The following ATP8A2 variants were observed in gnomAD, a reference collection of about 807,000 sequenced individuals.
ATP8A2 encodes the protein phospholipid-transporting ATPase IB.
A neutral mutation model predicts 165.6 loss-of-function variants in ATP8A2; 100 were observed. The observed-to-expected ratio is 0.60, with a 90% CI of 0.51 to 0.71. The LOEUF is 0.71. Ranked by LOEUF, ATP8A2 falls within the 30% of genes least tolerant of loss-of-function variation. The probability of loss-of-function intolerance (pLI) is 0.00; values close to 1 mark genes in which losing one functional copy is unlikely to be tolerated. For synonymous variants in ATP8A2, 543 were observed against 548.8 expected (o/e 0.99, Z 0.15); for missense variants, 1,227 against 1,479.5 (o/e 0.83, Z 2.80).
intron 25 of ATP8A2, among the ~76,000 whole-genome samples, chr13:25,738,253 G>C (rs1212532434): frequency 2.0e-5 from 3 of 151,974 alleles, no homozygotes; most frequent in African/African-American, 7.3e-5. Context: ...ATAAACTGAT[G>C]GCAAATTCTG....
chr13:25,663,084 C>T (rs1477358218), intron 24 of ATP8A2, among the ~76,000 whole-genome samples: 1 of 152,204 alleles, frequency 6.6e-6, no homozygotes, highest in East Asian at 1.9e-4. Flanking sequence ...TGTAGAGGCT[C>T]TGCTTGGCAG....
intron 23 of ATP8A2, among the ~76,000 whole-genome samples, chr13:25,588,225 C>A (rs1292263752): frequency 6.6e-6 from 1 of 152,094 alleles, no homozygotes; most frequent in Non-Finnish European, 1.5e-5. Context: ...TTCTACATGG[C>A]GGTCCTTAGG....
chr13:25,782,118 A>T (rs1327070172), intron 27 of ATP8A2, among the ~76,000 whole-genome samples: 1 of 152,230 alleles, frequency 6.6e-6, no homozygotes, highest in African/African-American at 2.4e-5. Flanking sequence ...CTATACCTCA[A>T]AACAATGTGT....
At chr13:25,821,774 G>A (rs760606906) in intron 27 of ATP8A2, among the ~76,000 whole-genome samples, 10 of 152,174 alleles carry the variant, frequency 6.6e-5, no homozygotes, top group Admixed American at 1.3e-4. Context: ...TTTAGCAGCA[G>A]CATCTTTGGC....
chr13:25,950,564 A>G (rs1293545554), intron 33 of ATP8A2: 4 of 152,268 alleles, frequency 2.6e-5, no homozygotes, highest in Non-Finnish European at 5.9e-5. Context: ...TTATTTAACA[A>G]TGAACAAGAG....
At chr13:25,730,341 G>A (rs1042581597) in intron 25 of ATP8A2, among the ~76,000 whole-genome samples, 5 of 152,154 alleles carry the variant, frequency 3.3e-5, no homozygotes, top group Admixed American at 6.5e-5. Flanking sequence ...CTTTAAGACA[G>A]GTATGTCTTC....
intron 25 of ATP8A2, among the ~76,000 whole-genome samples, chr13:25,711,495 A>G (rs1434062975): frequency 1.3e-5 from 2 of 152,112 alleles, no homozygotes; most frequent in African/African-American, 4.8e-5. Flanking sequence ...AGGTTGTGTG[A>G]GGCCAGGAAT....
At chr13:25,720,618 G>A (rs2138031076) in intron 25 of ATP8A2, among the ~76,000 whole-genome samples, 1 of 152,278 alleles carries the variant, frequency 6.6e-6, no homozygotes, top group Non-Finnish European at 1.5e-5. Context: ...CCCTTACACA[G>A]GAAGGCAACT....
intron 2 of ATP8A2, among the ~76,000 whole-genome samples, chr13:25,499,147 G>T (rs937562485): frequency 2.6e-5 from 4 of 152,270 alleles, no homozygotes; most frequent in African/African-American, 9.6e-5. Flanking sequence ...TTACCTGTTA[G>T]TACTCCCTCA....
At chr13:25,936,756 A>G (rs971091843) in intron 33 of ATP8A2, among the ~76,000 whole-genome samples, 1 of 152,144 alleles carries the variant, frequency 6.6e-6, no homozygotes, top group Non-Finnish European at 1.5e-5. Context: ...CCAATATGAC[A>G]CAGGACTCTT....
chr13:25,865,571 G>A (rs979112998), intron 33 of ATP8A2, among the ~76,000 whole-genome samples: 12 of 152,210 alleles, frequency 7.9e-5, no homozygotes, highest in South Asian at 6.2e-4. Flanking sequence ...TTTTTCTCAC[G>A]GAGAAGAATA....
At chr13:25,746,994 G>C (rs924368384) in intron 25 of ATP8A2, among the ~76,000 whole-genome samples, 1 of 152,152 alleles carries the variant, frequency 6.6e-6, no homozygotes, top group African/African-American at 2.4e-5. Flanking sequence ...GCCTATGGTC[G>C]TTCTGTCCTG....
chr13:25,465,779 T>TTCTCTCTC (rs1199712327), intron 1 of ATP8A2, among the ~76,000 whole-genome samples: 1 of 106,694 alleles, frequency 9.4e-6, no homozygotes, highest in African/African-American at 3.4e-5. Context: ...CTTTCTCTCT[T>TTCTCTCTC]TCTCTCTTTC....
intron 2 of ATP8A2, among the ~76,000 whole-genome samples, chr13:25,478,908 C>T (rs1041349712): frequency 2.6e-5 from 4 of 151,590 alleles, no homozygotes; most frequent in African/African-American, 4.9e-5. Context: ...AGGGCAGTGG[C>T]GTGATCTTGG....
chr13:25,797,301 T>C (rs1236166808), intron 27 of ATP8A2, among the ~76,000 whole-genome samples: 1 of 151,582 alleles, frequency 6.6e-6, no homozygotes, highest in African/African-American at 2.4e-5. Context: ...ACAGTAGAAT[T>C]GGATTGTGTA....
rs71077467 is a variant in ATP8A2 at position 25,399,397 on chromosome 13, C to CTTTTTTTTTTT, written c.76+27118_76+27128dup. ...AGATCCTGATTTCTTAGTGGTTCTT[C>CTTTTTTTTTTT]TTTTTTTTTTTTTTTTTTTGAGACG... On this transcript the variant is annotated intron_variant, in intron 1 of 36. Coordinates refer to ENST00000381655, the MANE Select transcript of ATP8A2 (RefSeq NM_016529.6). 1.4e-3 allele frequency among the ~76,000 whole-genome samples: 105 copies of CTTTTTTTTTTT among 74,044 alleles called. 8 individuals are homozygous for CTTTTTTTTTTT. Among genetic ancestry groups the CTTTTTTTTTTT allele is most frequent in the East Asian group, 3.6e-3 (8 of 2,244 alleles). 48.6% of individuals were successfully genotyped at this position (74,044 alleles called of 152,430 possible).
At chr13:25,976,828 G>A (rs1056353092) in intron 35 of ATP8A2, among the ~76,000 whole-genome samples, 1 of 151,994 alleles carries the variant, frequency 6.6e-6, no homozygotes, top group South Asian at 2.1e-4. Flanking sequence ...TTGCTCTATC[G>A]CCCAGGCTGG....
At chr13:25,957,359 C>A (rs1368675546) in intron 33 of ATP8A2, among the ~76,000 whole-genome samples, 2 of 152,164 alleles carry the variant, frequency 1.3e-5, no homozygotes, top group African/African-American at 4.8e-5. Context: ...TGTTTGCAAT[C>A]TATCCATCTG....
chr13:25,578,932 A>C, intron 21 of ATP8A2, 33 bp downstream of exon 21: 1 of 1,365,268 alleles, frequency 7.3e-7, no homozygotes, highest in South Asian at 1.2e-5. Flanking sequence ...GTTTTTGGCC[A>C]TTGGAGCTGT....
Sources: gnomAD v4.1 joint callset for allele counts (sites outside exome capture counted in the v4.1 genomes callset) on GRCh38, gnomAD v4.1.1 for gene constraint, MANE v1.5 for transcripts, NCBI Gene and HGNC (gene_info 2026-07-23, HGNC 2026-07-21) for gene names.